UBE3C: variants seen among roughly 807,000 people sequenced by gnomAD.
UBE3C encodes the protein ubiquitin-protein ligase E3C.
UBE3C carries 42 observed loss-of-function variants against 129.4 expected under a neutral mutation model. That is an observed-to-expected ratio of 0.32 (90% confidence interval 0.25 to 0.42). The LOEUF is 0.42. UBE3C is among the 10% of genes least tolerant of loss of function. UBE3C has a pLI of 1.00. For synonymous variants in UBE3C, 510 were observed against 492.4 expected, an observed-to-expected ratio of 1.04 and a Z score of -0.47; for missense variants, 1,049 against 1,319.1, an observed-to-expected ratio of 0.80 and a Z score of 3.17.
intron 17 of UBE3C, among the ~76,000 whole-genome samples, chr7:157,227,231 C>CCAAGAGG (rs2116628122): frequency 6.6e-6 from 1 of 152,100 alleles, no homozygotes; most frequent in East Asian, 1.9e-4. Flanking sequence ...GAAGGGCCTT[C>CCAAGAGG]CAAGAGGCAG....
chr7:157,166,663 T>G (rs1328387056), intron 2 of UBE3C, among the ~76,000 whole-genome samples: 2 of 149,820 alleles, frequency 1.3e-5, no homozygotes, highest in Non-Finnish European at 3.0e-5. Context: ...TTGCTTGAAC[T>G]CGGGAGGCGG....
intron 14 of UBE3C, among the ~76,000 whole-genome samples, chr7:157,218,411 T>C (rs781671267): frequency 3.8e-4 from 57 of 151,486 alleles, no homozygotes; most frequent in Non-Finnish European, 4.3e-4. Flanking sequence ...ATCACGCCAC[T>C]GCACTCCAGC....
chr7:157,202,649 C>T (rs1809322853), intron 11 of UBE3C, among the ~76,000 whole-genome samples: 1 of 151,954 alleles, frequency 6.6e-6, no homozygotes, highest in Non-Finnish European at 1.5e-5. Flanking sequence ...AGCAAGACTT[C>T]CTCTCAAAAA....
intron 17 of UBE3C, among the ~76,000 whole-genome samples, chr7:157,229,586 G>A (rs1311798052): frequency 6.6e-6 from 1 of 152,042 alleles, no homozygotes; most frequent in African/African-American, 2.4e-5. Context: ...CAAAGTGCTG[G>A]GATTACAGGC....
At chr7:157,175,819 T>A (rs1034712161) in intron 5 of UBE3C, among the ~76,000 whole-genome samples, 1 of 152,252 alleles carries the variant, frequency 6.6e-6, no homozygotes, top group Non-Finnish European at 1.5e-5. Flanking sequence ...TAATAAACTT[T>A]TAGTTTGAAA....
At chr7:157,266,295 CA>C (rs1797077192) in intron 22 of UBE3C, among the ~76,000 whole-genome samples, 1 of 152,120 alleles carries the variant, frequency 6.6e-6, no homozygotes. Flanking sequence ...GCCTGGGTGA[CA>C]GAGCAAGACT....
chr7:157,157,194 A>G (rs934852972), intron 1 of UBE3C, among the ~76,000 whole-genome samples: 10 of 152,192 alleles, frequency 6.6e-5, no homozygotes, highest in Admixed American at 5.9e-4. Context: ...TTCAATATAC[A>G]GAAATCCATG....
chr7:157,256,718 G>GGATT, intron 21 of UBE3C, 196 bp from the exon 22 acceptor site: 1 of 580,610 alleles, frequency 1.7e-6, no homozygotes, highest in South Asian at 2.4e-5. Flanking sequence ...GCATGAGATG[G>GGATT]GATTGTACCA....
chr7:157,159,392 G>C (rs1586651516), intron 1 of UBE3C, among the ~76,000 whole-genome samples: 1 of 151,738 alleles, frequency 6.6e-6, no homozygotes. Context: ...TGGTGGCGGT[G>C]AATGGATAAA....
chr7:157,230,924 C>T (rs1370635304), intron 17 of UBE3C, among the ~76,000 whole-genome samples, 156 bp from the exon 18 acceptor site: 1 of 152,082 alleles, frequency 6.6e-6, no homozygotes, highest in Admixed American at 6.6e-5. Flanking sequence ...GACTCTGTCT[C>T]AAAAAATAAT....
At position 157,269,200 on chromosome 7, in the gene UBE3C, CTTATT is replaced by C. The variant is rs1797160199; in HGVS notation, c.*1446_*1450del. 6.6e-6 allele frequency: 1 copy of C among 152,370 alleles called. No homozygotes were observed. Among genetic ancestry groups the C allele is most frequent in the Admixed American group, 6.6e-5 (1 of 15,262 alleles). The allele number at this position is 152,370 out of a possible 1,614,324, so 9.4% of individuals were successfully genotyped here. A position where few individuals can be genotyped will look rare whatever the true frequency, so the allele number is the denominator to read the frequency against. Reference sequence around the variant, plus strand: ...TTGTTTTATGTTGAATGTTCTATATCTTATTAGTTAATTTGTATATTTTATTAGTA... The same window carrying C: ...TTGTTTTATGTTGAATGTTCTATATCAGTTAATTTGTATATTTTATTAGTA... On this transcript the variant is annotated 3_prime_UTR_variant, in exon 23 of 23. Coordinates refer to ENST00000348165, the MANE Select transcript of UBE3C (RefSeq NM_014671.3).
chr7:157,163,430 C>G (rs915414986), intron 1 of UBE3C, among the ~76,000 whole-genome samples: 1 of 151,896 alleles, frequency 6.6e-6, no homozygotes, highest in Non-Finnish European at 1.5e-5. Flanking sequence ...CCCAGAGACC[C>G]CTGTCCACAT....
chr7:157,232,964 G>A (rs1489956149), intron 18 of UBE3C, among the ~76,000 whole-genome samples: 3 of 152,090 alleles, frequency 2.0e-5, no homozygotes, highest in Non-Finnish European at 4.4e-5. Context: ...TATATTCACT[G>A]TGTTATGTGA....
chr7:157,228,676 C>T (rs1228699513), intron 17 of UBE3C, among the ~76,000 whole-genome samples: 3 of 152,182 alleles, frequency 2.0e-5, no homozygotes, highest in African/African-American at 4.8e-5. Context: ...CCAGAGGTGG[C>T]GGGCACGGCA....
At chr7:157,247,955 C>G (rs1384589868) in intron 18 of UBE3C, among the ~76,000 whole-genome samples, 1 of 152,040 alleles carries the variant, frequency 6.6e-6, no homozygotes, top group Admixed American at 6.6e-5. Flanking sequence ...CCAATAGCTG[C>G]GAGGCGTGAG....
At chr7:157,230,694 CAA>C (rs748639288) in intron 17 of UBE3C, among the ~76,000 whole-genome samples, 51 of 38,816 alleles carry the variant, frequency 1.3e-3, no homozygotes, top group Middle Eastern at 0.015. Context: ...GACCCCGTCT[CAA>C]AAAAAAAAAA....
chr7:157,170,322 G>C lies in UBE3C; in HGVS notation c.214G>C (p.Ala72Pro), dbSNP rs764226837. 1 of 1,521,428 alleles carries C rather than the reference G, an allele frequency of 6.6e-7. No individual in the cohort carries two copies. The highest frequency in any genetic ancestry group is 2.4e-5 in the Admixed American group (1 of 41,120). 94.2% of individuals were successfully genotyped at this position (1,521,428 alleles called of 1,614,324 possible). A position where few individuals can be genotyped will look rare whatever the true frequency, so the allele number is the denominator to read the frequency against. The change falls in exon 4 of 23, where the codon GCA (alanine) becomes CCA (proline). Residue 72 changes from alanine (A) to proline (P), a missense_variant. Physicochemically the swap from Ala to Pro is conservative, Grantham distance 27. Around this residue, in one of 4 missense-constraint regions of UBE3C, gnomAD observed 489 missense variants for 513.8 expected, o/e 0.95. Transcript: ENST00000348165. ...CTTCCAGTATTCCATCCAAAGAAGT[G>C]CATTTGATCGCTGTGCTACCTTGTC... ...RKQQYSIQRS[A>P]FDRCATLSQS...
intron 10 of UBE3C, among the ~76,000 whole-genome samples, chr7:157,195,833 A>G (rs1389570583): frequency 6.6e-6 from 1 of 152,086 alleles, no homozygotes; most frequent in African/African-American, 2.4e-5. Flanking sequence ...TTTATTTGTG[A>G]TGGATCTGAA....
At chr7:157,241,320 C>A (rs1796317464) in intron 18 of UBE3C, among the ~76,000 whole-genome samples, 1 of 152,316 alleles carries the variant, frequency 6.6e-6, no homozygotes, top group South Asian at 2.1e-4. Flanking sequence ...AAGACACCAT[C>A]AAGAAACTGA....
Sources: gnomAD v4.1 joint callset for allele counts (sites outside exome capture counted in the v4.1 genomes callset) on GRCh38, gnomAD v4.1.1 for gene constraint, gnomAD v4.1.1 regional missense constraint, MANE v1.5 for transcripts, NCBI Gene and HGNC (gene_info 2026-07-23, HGNC 2026-07-21) for gene names.